The following SYNPR variants were observed in gnomAD, a reference collection of about 807,000 sequenced individuals.
SYNPR encodes synaptoporin.
In SYNPR, 23 loss-of-function variants were observed where a neutral mutation model predicts 32.9. The observed-to-expected ratio is 0.70, with a 90% confidence interval of 0.50 to 0.99. SYNPR has a LOEUF of 0.99. Ranked by LOEUF, SYNPR falls within the 50% of genes least tolerant of loss-of-function variation. The probability of loss-of-function intolerance (pLI) is 0.00; values close to 1 mark genes in which losing one functional copy is unlikely to be tolerated. For synonymous variants in SYNPR, 146 were observed against 135.9 expected (o/e 1.07, Z -0.52); for missense variants, 318 against 349.3 (o/e 0.91, Z 0.71).
At chr3:63,376,529 A>G (rs1315275893) in intron 2 of SYNPR, among the ~76,000 whole-genome samples, 2 of 152,084 alleles carry the variant, frequency 1.3e-5, no homozygotes, top group African/African-American at 4.8e-5. Context: ...TTGTCTCTGT[A>G]AAGGGGCAAA....
chr3:63,225,522 G>A (rs1175785079), upstream of SYNPR, among the ~76,000 whole-genome samples: 4 of 152,152 alleles, frequency 2.6e-5, no homozygotes, highest in African/African-American at 9.7e-5. Context: ...AGACTGGCAA[G>A]CAGGAAGCTT....
chr3:63,552,959 C>A (rs1702528906), intron 3 of SYNPR, among the ~76,000 whole-genome samples: 1 of 152,050 alleles, frequency 6.6e-6, no homozygotes, highest in African/African-American at 2.4e-5. Context: ...CACAACAAAT[C>A]TGTTGGTTTT....
chr3:63,298,741 A>G (rs1162427317), intron 2 of SYNPR, among the ~76,000 whole-genome samples: 2 of 152,124 alleles, frequency 1.3e-5, no homozygotes, highest in Non-Finnish European at 2.9e-5. Flanking sequence ...CCCAGGAAAC[A>G]CTGGTAAGGG....
At chr3:63,340,088 A>ACC in intron 2 of SYNPR, among the ~76,000 whole-genome samples, 1 of 152,258 alleles carries the variant, frequency 6.6e-6, no homozygotes, top group South Asian at 2.1e-4. Context: ...ACATAATGTA[A>ACC]CCCTTGGGGA....
intron 4 of SYNPR, among the ~76,000 whole-genome samples, chr3:63,582,046 A>T (rs1470617618): frequency 1.3e-5 from 2 of 152,100 alleles, no homozygotes; most frequent in Non-Finnish European, 2.9e-5. Flanking sequence ...CATAAACTGA[A>T]TGAGAGTGGT....
intron 3 of SYNPR, among the ~76,000 whole-genome samples, chr3:63,525,897 C>G (rs1420061518): frequency 6.6e-6 from 1 of 152,158 alleles, no homozygotes; most frequent in African/African-American, 2.4e-5. Flanking sequence ...GCCTGCAGAA[C>G]CATGAGCCAT....
intron 4 of SYNPR, among the ~76,000 whole-genome samples, chr3:63,600,267 C>G (rs1182351528): frequency 6.6e-6 from 1 of 152,186 alleles, no homozygotes; most frequent in African/African-American, 2.4e-5. Context: ...GCTCCTAAAA[C>G]AGCCACCAGT....
At position 63,530,167 on chromosome 3, in the gene SYNPR, GA is replaced by G. The variant is rs368812832; in HGVS notation, c.210-26367del. On this transcript the variant is annotated intron_variant, in intron 3 of 5. Transcript: ENST00000478300. ...AGACTGGAAGGAGATAAAGGAAGGG[GA>G]AAAAAAAACTCTTTTTCCTGCTTTT... Among the ~76,000 whole-genome samples the G allele has an allele frequency of 9.4e-3, 1,416 of 151,126 alleles. 21 individuals carry two copies. Among genetic ancestry groups the G allele is most frequent in the African/African-American group, 0.031 (1,294 of 41,194 alleles).
intron 2 of SYNPR, among the ~76,000 whole-genome samples, chr3:63,302,478 G>A (rs1408169989): frequency 6.6e-6 from 1 of 152,042 alleles, no homozygotes; most frequent in African/African-American, 2.4e-5. Context: ...ATAAGTTGCA[G>A]AAACAGGATT....
intron 2 of SYNPR, among the ~76,000 whole-genome samples, chr3:63,479,673 A>G (rs1701006986): frequency 6.6e-6 from 1 of 152,166 alleles, no homozygotes; most frequent in Non-Finnish European, 1.5e-5. Context: ...AGACCTGGTG[A>G]TCTTGCCAGC....
intron 2 of SYNPR, among the ~76,000 whole-genome samples, chr3:63,259,642 A>C (rs1036617588): frequency 5.9e-5 from 9 of 152,228 alleles, no homozygotes; most frequent in South Asian, 4.1e-4. Flanking sequence ...AAACTGGAAG[A>C]ATTCCCTTTG....
the SYNPR span, among the ~76,000 whole-genome samples, chr3:63,221,169 T>C: frequency 6.6e-6 from 1 of 152,142 alleles, no homozygotes; most frequent in Non-Finnish European, 1.5e-5. Flanking sequence ...CTTGGGTAAA[T>C]GACTTTAGTG....
At chr3:63,244,451 A>C (rs990484661) in intron 1 of SYNPR, among the ~76,000 whole-genome samples, 13 of 152,092 alleles carry the variant, frequency 8.5e-5, no homozygotes, top group African/African-American at 2.9e-4. Flanking sequence ...CAATCTGTGA[A>C]TTGAGTAGAG....
intron 1 of SYNPR, among the ~76,000 whole-genome samples, chr3:63,235,466 C>A (rs1242112543): frequency 6.6e-6 from 1 of 152,164 alleles, no homozygotes; most frequent in Non-Finnish European, 1.5e-5. Flanking sequence ...TCAAATTCCA[C>A]TGGGCTTACG....
At chr3:63,470,552 G>C (rs566066410) in intron 2 of SYNPR, among the ~76,000 whole-genome samples, 3 of 152,294 alleles carry the variant, frequency 2.0e-5, no homozygotes, top group African/African-American at 7.2e-5. Context: ...TAGTGAAAAA[G>C]AAATGACTGG....
At chr3:63,266,254 T>A (rs1056978265) in intron 2 of SYNPR, among the ~76,000 whole-genome samples, 68 of 152,246 alleles carry the variant, frequency 4.5e-4, no homozygotes, top group Admixed American at 7.2e-4. Flanking sequence ...TTTTCTATTT[T>A]TTTTTTAGCA....
chr3:63,410,568 C>A (rs1190705313), intron 2 of SYNPR, among the ~76,000 whole-genome samples: 3 of 152,138 alleles, frequency 2.0e-5, no homozygotes, highest in Non-Finnish European at 4.4e-5. Context: ...AGGCATTGGT[C>A]ATGTTTTCCC....
At chr3:63,259,394 C>A (rs2086417741) in intron 2 of SYNPR, among the ~76,000 whole-genome samples, 1 of 152,168 alleles carries the variant, frequency 6.6e-6, no homozygotes, top group Non-Finnish European at 1.5e-5. Context: ...TGGGCTTCAT[C>A]CCTGGGATGC....
At chr3:63,445,535 T>A in intron 2 of SYNPR, 1 of 700,298 alleles carries the variant, frequency 1.4e-6, no homozygotes. Flanking sequence ...GCTCCTCTCT[T>A]CTTTTTAGCA....
Sources: gnomAD v4.1 joint callset for allele counts (sites outside exome capture counted in the v4.1 genomes callset) on GRCh38, gnomAD v4.1.1 for gene constraint, MANE v1.5 for transcripts, NCBI Gene and HGNC (gene_info 2026-07-23, HGNC 2026-07-21) for gene names.